Variants in NCOA3 observed in about 807,000 individuals in gnomAD.
The protein encoded by NCOA3 is CBP-interacting protein.
A neutral mutation model predicts 158.8 loss-of-function variants in NCOA3; 51 were observed. The ratio of observed to expected loss-of-function variants is 0.32; its 90% CI spans 0.26 to 0.41. The LOEUF (loss-of-function observed/expected upper bound fraction) is 0.41, where lower values mean the gene tolerates loss of function less well. Among genes scored for constraint, NCOA3 ranks in the 10% least tolerant of loss-of-function variants. NCOA3 has a pLI of 1.00. For missense variants in NCOA3, 1,510 were observed against 1,746.6 expected (o/e 0.86, Z 2.41); for synonymous variants, 537 against 592.4 (o/e 0.91, Z 1.36).
chr20:47,631,016 A>G (rs1399482913), intron 8 of NCOA3: 1 of 152,228 alleles, frequency 6.6e-6, no homozygotes, highest in African/African-American at 2.4e-5. Context: ...ATGTTTAACC[A>G]TGGAGCATAT....
intron 1 of NCOA3, among the ~76,000 whole-genome samples, chr20:47,557,668 C>T (rs2085028535): frequency 6.6e-6 from 1 of 152,062 alleles, no homozygotes; most frequent in African/African-American, 2.4e-5. Context: ...TCAAATCAGC[C>T]ATAGCCCAAA....
In NCOA3 at chr20:47,637,764, T is replaced by A. The variant is rs1409821839; in HGVS notation, c.2493T>A (p.Phe831Leu). The A allele has an allele frequency of 6.2e-7, 1 of 1,601,844 alleles. No homozygotes were observed. Among genetic ancestry groups the A allele is most frequent in the South Asian group, 1.1e-5 (1 of 87,824 alleles). The change falls in exon 13 of 23, where the codon TTT becomes TTA. Residue 831 changes from phenylalanine (F) to leucine (L), a missense_variant. This residue lies in a region of NCOA3 where 1,017 missense variants were observed against 1,098.3 expected (regional missense o/e 0.93). Transcript: ENST00000371998. ...GSHLGTKQQV[F>L]QGTNSLGLKS... The stretch of plus-strand genomic sequence containing the variant: ...ATCTGGGGACTAAGCAACAGGTGTT[T>A]CAAGGAACTAATTCTCTGGGTAAGA...
chr20:47,529,874 A>T (rs1568658184), intron 1 of NCOA3, among the ~76,000 whole-genome samples: 1 of 152,224 alleles, frequency 6.6e-6, no homozygotes, highest in Non-Finnish European at 1.5e-5. Flanking sequence ...TCCACCTTTT[A>T]AAAAAACTTA....
intron 1 of NCOA3, among the ~76,000 whole-genome samples, chr20:47,527,606 C>T (rs1463173223): frequency 6.6e-6 from 1 of 152,104 alleles, no homozygotes; most frequent in East Asian, 1.9e-4. Flanking sequence ...TTAGCGTGGG[C>T]AGAAGGTTTC....
intron 1 of NCOA3, among the ~76,000 whole-genome samples, chr20:47,516,289 G>A (rs2084233130): frequency 6.6e-6 from 1 of 152,120 alleles, no homozygotes; most frequent in Non-Finnish European, 1.5e-5. Context: ...GAGGTATATG[G>A]CAAATCTCTG....
chr20:47,530,593 G>A (rs575841058), intron 1 of NCOA3, among the ~76,000 whole-genome samples: 3 of 151,494 alleles, frequency 2.0e-5, no homozygotes, highest in African/African-American at 4.8e-5. Flanking sequence ...CTCCCAAGTA[G>A]CTGGGATTAC....
At chr20:47,592,781 A>G (rs941384462) in intron 2 of NCOA3, among the ~76,000 whole-genome samples, 2 of 152,224 alleles carry the variant, frequency 1.3e-5, no homozygotes, top group African/African-American at 4.8e-5. Flanking sequence ...CAAATTGCAG[A>G]AAATTGAAGT....
At chr20:47,638,182 T>C (rs944634428) in intron 13 of NCOA3, among the ~76,000 whole-genome samples, 1 of 152,252 alleles carries the variant, frequency 6.6e-6, no homozygotes, top group Non-Finnish European at 1.5e-5. Context: ...TTAATTAAGA[T>C]AGTTTTCTTT....
At chr20:47,599,080 A>G (rs1032213554) in intron 2 of NCOA3, among the ~76,000 whole-genome samples, 1 of 152,208 alleles carries the variant, frequency 6.6e-6, no homozygotes, top group Non-Finnish European at 1.5e-5. Context: ...TTTAGGCTGT[A>G]TTATCTAGGT....
At chr20:47,633,939 T>C (rs1003569841) in intron 9 of NCOA3, 109 bp from the exon 10 acceptor site, 2 of 1,376,030 alleles carry the variant, frequency 1.5e-6, no homozygotes, top group Non-Finnish European at 2.0e-6. Context: ...ATCCAGTCTT[T>C]CCTTGGATTT....
intron 1 of NCOA3, among the ~76,000 whole-genome samples, chr20:47,531,087 C>T (rs1176523636): frequency 1.3e-5 from 2 of 152,132 alleles, no homozygotes; most frequent in Non-Finnish European, 2.9e-5. Flanking sequence ...CCTGTAATCC[C>T]AGTACTTTGG....
chr20:47,652,977 T>C lies in NCOA3; in HGVS notation c.4168T>C (p.Tyr1390His), dbSNP rs1331829691. Residue 1390 changes from tyrosine to histidine, a missense_variant, in exon 22 of 23, where the codon TAT (tyrosine) becomes CAT (histidine). Coordinates refer to ENST00000371998, the MANE Select transcript of NCOA3 (RefSeq NM_181659.3). ...TGCCCACCAGGGGAATCCTGCAGTG[T>C]ATAGTATGGTGCACATGAATGGCAG... Reference protein sequence around the residue: ...QFAHQGNPAVYSMVHMNGSSG... With the variant: ...QFAHQGNPAVHSMVHMNGSSG... The C allele has an allele frequency of 2.5e-6, 4 of 1,614,114 alleles. No individual in the cohort carries two copies. In the East Asian group the frequency reaches 8.9e-5, roughly 36 times the overall value.
At chr20:47,616,442 C>T (rs2086140901) in intron 2 of NCOA3, among the ~76,000 whole-genome samples, 1 of 152,032 alleles carries the variant, frequency 6.6e-6, no homozygotes, top group African/African-American at 2.4e-5. Flanking sequence ...ATCCGCCCAC[C>T]TCGGCCTCCC....
chr20:47,647,953 C>T (rs149142578), intron 18 of NCOA3, among the ~76,000 whole-genome samples: 1,716 of 137,470 alleles, frequency 0.012, 35 homozygotes, highest in African/African-American at 0.044. Context: ...CTTGCTCTGT[C>T]GCCCAGGCTG....
intron 1 of NCOA3, among the ~76,000 whole-genome samples, chr20:47,528,586 A>G (rs1568657161): frequency 6.6e-6 from 1 of 152,164 alleles, no homozygotes; most frequent in Non-Finnish European, 1.5e-5. Flanking sequence ...AAGTATATAC[A>G]CATACTGTCT....
At chr20:47,613,167 A>G (rs1249266492) in intron 2 of NCOA3, among the ~76,000 whole-genome samples, 1 of 152,182 alleles carries the variant, frequency 6.6e-6, no homozygotes, top group East Asian at 1.9e-4. Flanking sequence ...ATATGCTGGC[A>G]TTATAAAGCA....
At chr20:47,576,465 A>G (rs1484955933) in intron 1 of NCOA3, among the ~76,000 whole-genome samples, 3 of 152,180 alleles carry the variant, frequency 2.0e-5, no homozygotes, top group Non-Finnish European at 4.4e-5. Context: ...TTTGTTAGAT[A>G]CTACAGGCTA....
chr20:47,509,492 C>T (rs563308237), intron 1 of NCOA3, among the ~76,000 whole-genome samples: 3 of 152,284 alleles, frequency 2.0e-5, no homozygotes, highest in East Asian at 1.9e-4. Context: ...CCCTCCTTCT[C>T]GTGTAAGAAA....
intron 2 of NCOA3, among the ~76,000 whole-genome samples, chr20:47,615,200 A>T (rs192452290): frequency 6.6e-6 from 1 of 152,264 alleles, no homozygotes; most frequent in East Asian, 1.9e-4. Context: ...TATATATGAG[A>T]TGTCTAGTAT....
Sources: gnomAD v4.1 joint callset for allele counts (sites outside exome capture counted in the v4.1 genomes callset) on GRCh38, gnomAD v4.1.1 for gene constraint, gnomAD v4.1.1 regional missense constraint, MANE v1.5 for transcripts, NCBI Gene and HGNC (gene_info 2026-07-23, HGNC 2026-07-21) for gene names.